Variants in DOCK1 observed in about 807,000 individuals in gnomAD.
DOCK1 encodes the protein dedicator of cytokinesis 1, also known as dedicator of cytokinesis protein 1.
In DOCK1, 138 loss-of-function variants were observed where a neutral mutation model predicts 262.7. The observed-to-expected ratio is 0.53, with a 90% CI of 0.46 to 0.61. DOCK1 has a LOEUF of 0.61. DOCK1 is among the 20% of genes least tolerant of loss of function. The probability of loss-of-function intolerance (pLI) is 0.00; values close to 1 mark genes in which losing one functional copy is unlikely to be tolerated. For synonymous variants in DOCK1, 866 were observed against 867.4 expected (o/e 1.00, Z 0.03); for missense variants, 1,908 against 2,370.7 (o/e 0.80, Z 4.05).
At chr10:127,056,040 G>A (rs2045118728) in intron 22 of DOCK1, among the ~76,000 whole-genome samples, 1 of 152,176 alleles carries the variant, frequency 6.6e-6, no homozygotes, top group Non-Finnish European at 1.5e-5. Flanking sequence ...AGTTGAGACT[G>A]TTGAGGACAC....
intron 12 of DOCK1, among the ~76,000 whole-genome samples, chr10:127,018,253 G>A: frequency 6.6e-6 from 1 of 152,204 alleles, no homozygotes; most frequent in South Asian, 2.1e-4. Context: ...ATGCTGCTTA[G>A]CTACTTGAAA....
Position 127,424,703 on chromosome 10 carries a change from C to T in DOCK1, c.4777-1171C>T, listed in dbSNP as rs372475443. Among the ~76,000 whole-genome samples, 131 of 152,314 alleles carry T rather than the reference C, an allele frequency of 8.6e-4. 2 individuals carry two copies. The South Asian group carries it at 0.026, about 30-fold the overall frequency. Reference sequence around the variant, plus strand: ...AGCCCCGGGGAAGCTGCCATCTGCACGAGTAATTCATAGGGAATATTAAAA... The same window carrying T: ...AGCCCCGGGGAAGCTGCCATCTGCATGAGTAATTCATAGGGAATATTAAAA... On this transcript the variant is annotated intron_variant, in intron 46 of 51. Coordinates refer to ENST00000623213, the MANE Select transcript of DOCK1 (RefSeq NM_001290223.2).
intron 33 of DOCK1, among the ~76,000 whole-genome samples, chr10:127,363,781 AAG>A (rs2064731369): frequency 6.6e-6 from 1 of 152,200 alleles, no homozygotes; most frequent in Admixed American, 6.5e-5. Context: ...TAGAACAGAA[AAG>A]AGAGATACGA....
intron 29 of DOCK1, among the ~76,000 whole-genome samples, chr10:127,262,851 C>T (rs1286097942): frequency 6.6e-6 from 1 of 152,138 alleles, no homozygotes; most frequent in Non-Finnish European, 1.5e-5. Flanking sequence ...CCTCAGCAGC[C>T]CTCTGGGACA....
At chr10:127,090,101 A>C (rs555358110) in intron 23 of DOCK1, among the ~76,000 whole-genome samples, 1 of 152,306 alleles carries the variant, frequency 6.6e-6, no homozygotes, top group Admixed American at 6.5e-5. Context: ...TGTTCGGGAC[A>C]CTGGGATGCT....
At position 127,042,610 on chromosome 10, in the gene DOCK1, T is replaced by A; in HGVS notation, c.2011-15T>A. ...GTGGGTTCACATTGTCACCCGACCT[T>A]CTGTGTCTATGCAGTTTCTTCAGGA... is the stretch of plus-strand genomic sequence containing the variant. On this transcript the variant is annotated splice_polypyrimidine_tract_variant and intron_variant, in intron 19 of 51. Transcript: ENST00000623213. 1 of 1,613,294 alleles carries A rather than the reference T, an allele frequency of 6.2e-7. No individual in the cohort carries two copies. The highest frequency in any genetic ancestry group is 8.5e-7 in the Non-Finnish European group (1 of 1,179,250).
chr10:127,339,855 T>G (rs2063358020), intron 30 of DOCK1, among the ~76,000 whole-genome samples: 1 of 152,214 alleles, frequency 6.6e-6, no homozygotes, highest in Non-Finnish European at 1.5e-5. Context: ...TCTGTCATTA[T>G]TATTACTTAG....
intron 27 of DOCK1, among the ~76,000 whole-genome samples, chr10:127,238,353 G>A (rs1170813370): frequency 1.3e-5 from 2 of 152,120 alleles, no homozygotes; most frequent in Admixed American, 1.3e-4. Flanking sequence ...GAATCTATAG[G>A]GTGTTGTTTT....
At position 127,404,378 on chromosome 10, in the gene DOCK1, T is replaced by G. The variant is rs1439356023; in HGVS notation, c.4071T>G (p.Pro1357=). The part of the protein sequence containing the change: ...ENIVKVIRPK[P]DYFAVGYYGQ... Reference sequence around the variant, plus strand: ...TCGTCAAAGTGATCAGGCCCAAGCCTGACTATTTTGCTGTTGGCTACTACG... The same window carrying G: ...TCGTCAAAGTGATCAGGCCCAAGCCGGACTATTTTGCTGTTGGCTACTACG... Residue 1357 remains proline (P), a synonymous_variant, in exon 40 of 52, where the codon CCT becomes CCG. Transcript: ENST00000623213. 1.9e-6 allele frequency: 3 copies of G among 1,613,830 alleles called. No homozygotes were observed. Among genetic ancestry groups the G allele is most frequent in the Admixed American group, 1.7e-5 (1 of 59,996 alleles).
At chr10:127,260,684 GGT>G (rs377310576) in intron 29 of DOCK1, among the ~76,000 whole-genome samples, 5 of 126,386 alleles carry the variant, frequency 4.0e-5, no homozygotes, top group African/African-American at 6.4e-5. Context: ...TGTGCATGTG[GGT>G]GTGTGTGTAC....
intron 27 of DOCK1, among the ~76,000 whole-genome samples, chr10:127,196,599 G>C (rs1166350489): frequency 6.8e-6 from 1 of 146,160 alleles, no homozygotes; most frequent in African/African-American, 2.5e-5. Flanking sequence ...CCCGGGCCCC[G>C]CGGGGCGGAG....
At chr10:127,231,716 A>C (rs1397556878) in intron 27 of DOCK1, among the ~76,000 whole-genome samples, 3 of 152,212 alleles carry the variant, frequency 2.0e-5, no homozygotes, top group Admixed American at 6.5e-5. Flanking sequence ...CCCCTTATTT[A>C]GACTCAAGGC....
intron 27 of DOCK1, among the ~76,000 whole-genome samples, chr10:127,139,832 C>T (rs931742972): frequency 1.3e-5 from 2 of 152,126 alleles, no homozygotes; most frequent in African/African-American, 4.8e-5. Flanking sequence ...TGCCCATGAA[C>T]GAGCCTCCTA....
At position 127,175,952 on chromosome 10, in the gene DOCK1, T is replaced by C; in HGVS notation, c.2847+48188T>C. On this transcript the variant is annotated intron_variant, in intron 27 of 51. Coordinates refer to ENST00000623213, the MANE Select transcript of DOCK1 (RefSeq NM_001290223.2). This position sits in a 1 kb window ranked among gnomAD's most constrained non-coding sequence, Gnocchi z 6.3. ...CCATGGGTCCAGCCTCGTTCTTCTCTTTCGCATCTGTTAGAAACCCATTGT... is the reference window on the plus strand; with the variant it reads ...CCATGGGTCCAGCCTCGTTCTTCTCCTTCGCATCTGTTAGAAACCCATTGT... 6.2e-7 allele frequency: 1 copy of C among 1,614,220 alleles called. No homozygotes were observed. Among genetic ancestry groups the C allele is most frequent in the South Asian group, 1.1e-5 (1 of 91,088 alleles).
chr10:127,190,940 T>C (rs2056711670), intron 27 of DOCK1, among the ~76,000 whole-genome samples: 1 of 152,048 alleles, frequency 6.6e-6, no homozygotes, highest in African/African-American at 2.4e-5. Flanking sequence ...CTTAATCTTC[T>C]GAGAATATAT....
intron 1 of DOCK1, among the ~76,000 whole-genome samples, chr10:126,942,640 G>T (rs2035108514): frequency 6.6e-6 from 1 of 152,132 alleles, no homozygotes; most frequent in Admixed American, 6.6e-5. Flanking sequence ...CGTCATCTGG[G>T]ACCCTGGGAT....
intron 3 of DOCK1, among the ~76,000 whole-genome samples, chr10:126,978,761 G>T (rs941437945): frequency 6.6e-6 from 1 of 152,152 alleles, no homozygotes; most frequent in Non-Finnish European, 1.5e-5. Flanking sequence ...TTACTTTTGT[G>T]TCCTAAATTT....
intron 16 of DOCK1, 125 bp from the exon 17 acceptor site, chr10:127,031,525 C>A: frequency 1.5e-6 from 1 of 683,504 alleles, no homozygotes; most frequent in Admixed American, 3.2e-5. Context: ...ATTAGATTAG[C>A]TTTAATACCT....
At chr10:127,434,008 C>G (rs1467856719) in intron 48 of DOCK1, among the ~76,000 whole-genome samples, 1 of 152,004 alleles carries the variant, frequency 6.6e-6, no homozygotes, top group Non-Finnish European at 1.5e-5. Flanking sequence ...CTTTTCATCT[C>G]CTGTTCACCT....
Sources: allele counts gnomAD v4.1 joint callset (sites outside exome capture counted in the v4.1 genomes callset), GRCh38; gene constraint gnomAD v4.1.1; non-coding constraint Gnocchi (gnomAD v3.1); transcripts MANE v1.5; gene names NCBI Gene and HGNC (gene_info 2026-07-23, HGNC 2026-07-21).